DMXL1: variants seen among roughly 807,000 people sequenced by gnomAD.
The protein encoded by DMXL1 is dmX-like protein 1.
A neutral mutation model predicts 319.2 loss-of-function variants in DMXL1; 99 were observed. The ratio of observed to expected loss-of-function variants is 0.31; its 90% CI spans 0.26 to 0.37. The LOEUF is 0.37. Among genes scored for constraint, DMXL1 ranks in the 10% least tolerant of loss-of-function variants. The probability of loss-of-function intolerance (pLI) is 1.00; values close to 1 mark genes in which losing one functional copy is unlikely to be tolerated. For missense variants in DMXL1, 3,745 were observed against 3,595.6 expected (o/e 1.04, Z -1.06); for synonymous variants, 1,385 against 1,235.2 (o/e 1.12, Z -2.54).
At chr5:119,172,013 A>T (rs755821107) in intron 25 of DMXL1, 44 bp downstream of exon 25, 8 of 1,497,746 alleles carry the variant, frequency 5.3e-6, no homozygotes, top group Admixed American at 2.1e-5. Flanking sequence ...CTGTACAATG[A>T]TAAAACTACA....
intron 32 of DMXL1, among the ~76,000 whole-genome samples, chr5:119,200,284 C>T (rs1413840214): frequency 6.6e-6 from 1 of 152,174 alleles, no homozygotes; most frequent in African/African-American, 2.4e-5. Flanking sequence ...TTTCAATCTT[C>T]TGCATTTGGC....
At chr5:119,112,902 G>C (rs986163283) in intron 5 of DMXL1, among the ~76,000 whole-genome samples, 1 of 150,770 alleles carries the variant, frequency 6.6e-6, no homozygotes, top group Non-Finnish European at 1.5e-5. Context: ...GTTACAATGA[G>C]CCGAGATCAC....
At chr5:119,193,715 C>A in intron 29 of DMXL1, 113 bp from the exon 30 acceptor site, 1 of 1,018,526 alleles carries the variant, frequency 9.8e-7, no homozygotes. Context: ...AGTTACTTAA[C>A]TCTCTTATAA....
chr5:119,233,333 A>G lies in DMXL1; in HGVS notation c.8339-7A>G. On this transcript the variant is annotated splice_region_variant and splice_polypyrimidine_tract_variant and intron_variant, in intron 38 of 43. Coordinates refer to ENST00000539542, the MANE Select transcript of DMXL1 (RefSeq NM_001290321.3). ...AAATCTGCAATTTTTGCCCTCTTGT[A>G]ATGCAGATCTGACAGGAGCTCAAGA... 1 of 1,609,034 alleles carries G rather than the reference A, an allele frequency of 6.2e-7. No homozygotes were observed. Among genetic ancestry groups the G allele is most frequent in the South Asian group, 1.1e-5 (1 of 89,852 alleles).
chr5:119,166,866 C>A, intron 22 of DMXL1, 85 bp downstream of exon 22: 2 of 1,111,040 alleles, frequency 1.8e-6, no homozygotes, highest in South Asian at 1.8e-5. Flanking sequence ...TTTTTAAATT[C>A]AACTTTATTG....
chr5:119,080,682 C>T lies in DMXL1; in HGVS notation c.87+9026C>T, dbSNP rs140134004. On this transcript the variant is annotated intron_variant, in intron 1 of 43. Transcript: ENST00000539542. ...CCCTGTATTTAATCATACTTGTCTT[C>T]AACTTAAACAATATTGCCAGAGGGA... is the stretch of plus-strand genomic sequence containing the variant. Among the ~76,000 whole-genome samples, 9 of 152,248 alleles carry T rather than the reference C, an allele frequency of 5.9e-5. No individual in the cohort carries two copies. The East Asian group carries it at 1.7e-3, about 29-fold the overall frequency.
intron 34 of DMXL1, 141 bp from the exon 35 acceptor site, chr5:119,216,760 G>A: frequency 1.8e-6 from 1 of 554,640 alleles, no homozygotes; most frequent in Non-Finnish European, 3.1e-6. Flanking sequence ...GGGATAATTA[G>A]CATATACAAT....
At chr5:119,107,495 C>CT (rs1418195816) in intron 4 of DMXL1, among the ~76,000 whole-genome samples, 2 of 152,118 alleles carry the variant, frequency 1.3e-5, no homozygotes, top group East Asian at 1.9e-4. Context: ...ACTTTTTATG[C>CT]TTTTTTCCTG....
chr5:119,131,526 C>G (rs1764895933), intron 10 of DMXL1, among the ~76,000 whole-genome samples: 1 of 152,096 alleles, frequency 6.6e-6, no homozygotes, highest in African/African-American at 2.4e-5. Context: ...AGATAAAGTA[C>G]AAATTACACT....
chr5:119,233,212 T>C, intron 38 of DMXL1, 128 bp from the exon 39 acceptor site: 1 of 945,756 alleles, frequency 1.1e-6, no homozygotes, highest in Non-Finnish European at 1.6e-6. Context: ...TGAAATTTCA[T>C]ACAAAGGTAA....
chr5:119,139,054 C>T (rs1388833985), intron 13 of DMXL1: 6 of 152,184 alleles, frequency 3.9e-5, no homozygotes, highest in East Asian at 3.9e-4. Context: ...ACTAAGCTTC[C>T]GAAGTGAAGA....
chr5:119,105,238 A>G lies in DMXL1; in HGVS notation c.344A>G (p.Asn115Ser), dbSNP rs1325176556. Residue 115 changes from asparagine to serine, a missense_variant, in exon 4 of 44, where the codon AAT becomes AGT. Physicochemically the swap from Asn to Ser is conservative, Grantham distance 46. Around this residue, in one of 4 missense-constraint regions of DMXL1, gnomAD observed 2,096 missense variants for 1,985.4 expected, o/e 1.06. Coordinates refer to ENST00000539542, the MANE Select transcript of DMXL1 (RefSeq NM_001290321.3). ...GQFFLESIAH[N>S]ITWDPTGSRL... ...TTTTTTCTGGAATCAATAGCACACA[A>G]TATAACCTGGGATCCCACAGGTAAG... is the stretch of plus-strand genomic sequence containing the variant. 3 of 1,612,958 alleles carry G rather than the reference A, an allele frequency of 1.9e-6. No homozygotes were observed. Among genetic ancestry groups the G allele is most frequent in the African/African-American group, 1.3e-5 (1 of 75,040 alleles).
In DMXL1 at chr5:119,196,520, T is replaced by TG. The variant is rs1360172005; in HGVS notation, c.7543+64_7543+65insG. On this transcript the variant is annotated intron_variant, in intron 31 of 43. Transcript: ENST00000539542. Reference sequence around the variant, plus strand: ...TTTTGACTTACTACTCTGTTGTTTTTTTTTTTTTTTTTTTGGTCTGGACTG... The same window carrying TG: ...TTTTGACTTACTACTCTGTTGTTTTTGTTTTTTTTTTTTTTGGTCTGGACTG... 3 of 1,155,590 alleles carry TG rather than the reference T, an allele frequency of 2.6e-6. No individual in the cohort carries two copies. The African/African-American group carries it at 4.8e-5, about 18-fold the overall frequency. 71.6% of individuals were successfully genotyped at this position (1,155,590 alleles called of 1,614,324 possible).
chr5:119,157,156 C>T (rs1423706644), intron 19 of DMXL1, among the ~76,000 whole-genome samples: 1 of 152,012 alleles, frequency 6.6e-6, no homozygotes, highest in Non-Finnish European at 1.5e-5. Context: ...CCTGGCATGC[C>T]TATTTTTTAA....
Position 119,133,647 on chromosome 5 carries a change from AT to A in DMXL1, c.1724del (p.Met575SerfsTer14). ...KPSGLTRSTS[M>X]LISSGHNKSS... is the part of the protein sequence containing the mutation. Reference sequence around the variant, plus strand: ...TTCTGGCCTCACCCGTTCCACATCAATGCTTATTTCTTCTGGTCACAATAAA... The same window carrying A: ...TTCTGGCCTCACCCGTTCCACATCAAGCTTATTTCTTCTGGTCACAATAAA... On this transcript the variant is annotated frameshift_variant, in exon 12 of 44. Coordinates refer to ENST00000539542, the MANE Select transcript of DMXL1 (RefSeq NM_001290321.3). LOFTEE classifies it high-confidence loss of function. 6.2e-7 allele frequency: 1 copy of A among 1,614,188 alleles called. No individual in the cohort carries two copies. Among genetic ancestry groups the A allele is most frequent in the Non-Finnish European group, 8.5e-7 (1 of 1,180,024 alleles).
intron 38 of DMXL1, among the ~76,000 whole-genome samples, chr5:119,226,198 A>T (rs1299237476): frequency 3.9e-5 from 6 of 152,176 alleles, no homozygotes. Context: ...CTCTGTTTAG[A>T]GAACTGCCAA....
At chr5:119,189,926 A>C in intron 29 of DMXL1, 40 bp downstream of exon 29, 1 of 1,542,886 alleles carries the variant, frequency 6.5e-7, no homozygotes, top group Non-Finnish European at 8.9e-7. Context: ...TTCATAGTCA[A>C]ATAGAAATGA....
rs188293591 is a variant in DMXL1 at position 119,080,213 on chromosome 5, G to C, written c.87+8557G>C. On this transcript the variant is annotated intron_variant, in intron 1 of 43. Transcript: ENST00000539542. ...ATACAAAAAATTAGCCAGGTGTGGT[G>C]GTGGGTGCCTATGATCTCAGCTACT... 7.2e-4 allele frequency among the ~76,000 whole-genome samples: 110 copies of C among 152,214 alleles called. 1 individual carries two copies. The highest frequency in any genetic ancestry group is 2.5e-3 in the African/African-American group (104 of 41,534).
At chr5:119,234,879 T>A (rs1787444829) in intron 39 of DMXL1, among the ~76,000 whole-genome samples, 1 of 152,156 alleles carries the variant, frequency 6.6e-6, no homozygotes, top group Non-Finnish European at 1.5e-5. Flanking sequence ...CATGTCAACT[T>A]CTTTAACAAG....
Sources: allele counts gnomAD v4.1 joint callset (sites outside exome capture counted in the v4.1 genomes callset), GRCh38; gene constraint gnomAD v4.1.1; regional missense constraint gnomAD v4.1.1; transcripts MANE v1.5; gene names NCBI Gene and HGNC (gene_info 2026-07-23, HGNC 2026-07-21).